RASSF3: variants seen among roughly 807,000 people sequenced by gnomAD.
RASSF3 encodes the protein ras association domain-containing protein 3.
Under a neutral mutation model 19.9 loss-of-function variants are expected in RASSF3, and 19 were observed. The observed-to-expected ratio is 0.96, with a 90% CI of 0.67 to 1.40. The LOEUF (loss-of-function observed/expected upper bound fraction) is 1.40. Ranked by LOEUF, RASSF3 falls within the 40% of genes most tolerant of loss-of-function variation. RASSF3 has a pLI of 0.00. For synonymous variants in RASSF3, 110 were observed against 104.2 expected, an observed-to-expected ratio of 1.06 and a Z score of -0.34; for missense variants, 306 against 289.8, an observed-to-expected ratio of 1.06 and a Z score of -0.41.
downstream of RASSF3, among the ~76,000 whole-genome samples, chr12:64,543,410 T>TCCCCGCCCG (rs1868976791): frequency 1.4e-5 from 1 of 72,682 alleles, no homozygotes; most frequent in Non-Finnish European, 3.2e-5. Flanking sequence ...TGCCTGAGTT[T>TCCCCGCCCG]CCCGCCCCCC....
At chr12:64,508,794 G>C (rs1047527509) in intron 1 of RASSF3, among the ~76,000 whole-genome samples, 2 of 152,050 alleles carry the variant, frequency 1.3e-5, no homozygotes, top group Non-Finnish European at 2.9e-5. Context: ...AGAAGCAGGA[G>C]AATTGCTCGA....
At chr12:64,575,646 T>TA (rs1869583187) in intron 2 of RASSF3, 1 of 152,118 alleles carries the variant, frequency 6.6e-6, no homozygotes, top group Non-Finnish European at 1.5e-5. Context: ...ACTAAAGATT[T>TA]TTTTAAAAGA....
intron 2 of RASSF3, among the ~76,000 whole-genome samples, chr12:64,578,425 G>A (rs897152600): frequency 2.0e-5 from 3 of 152,094 alleles, no homozygotes; most frequent in Non-Finnish European, 1.5e-5. Flanking sequence ...AGGCCAAGGC[G>A]GGAGGACTGC....
intron 2 of RASSF3, among the ~76,000 whole-genome samples, chr12:64,570,188 C>T (rs139446935): frequency 1.4e-4 from 21 of 152,242 alleles, no homozygotes; most frequent in African/African-American, 4.6e-4. Flanking sequence ...TCTGGATGTA[C>T]TATTTTCTTT....
At chr12:64,605,583 A>G (rs2136148770), upstream of RASSF3, among the ~76,000 whole-genome samples, 1 of 152,262 alleles carries the variant, frequency 6.6e-6, no homozygotes, top group Non-Finnish European at 1.5e-5. Flanking sequence ...GGTCAACTCA[A>G]CTGGCTTAAA....
chr12:64,557,739 C>T (rs1869278112), intron 2 of RASSF3, among the ~76,000 whole-genome samples: 7 of 152,042 alleles, frequency 4.6e-5, no homozygotes, highest in African/African-American at 1.5e-4. Context: ...AGATGGCACT[C>T]GATATTTGCA....
chr12:64,633,559 A>G (rs1377386865), intron 1 of RASSF3, among the ~76,000 whole-genome samples: 2 of 152,162 alleles, frequency 1.3e-5, no homozygotes, highest in Non-Finnish European at 2.9e-5. Context: ...TGTTGGTGCC[A>G]TGTTTCCTGT....
chr12:64,575,015 T>C (rs1206088471), intron 2 of RASSF3, among the ~76,000 whole-genome samples: 1 of 152,218 alleles, frequency 6.6e-6, no homozygotes, highest in Non-Finnish European at 1.5e-5. Context: ...TAAGTTTGCC[T>C]GCTACCACTT....
chr12:64,540,995 T>G (rs1592394563), intron 1 of RASSF3, among the ~76,000 whole-genome samples: 1 of 150,790 alleles, frequency 6.6e-6, no homozygotes, highest in Middle Eastern at 3.4e-3. Flanking sequence ...CTGGAATTTT[T>G]TTTTTTTCTA....
intron 1 of RASSF3, chr12:64,622,670 C>CT (rs757413147): frequency 3.8e-6 from 1 of 261,658 alleles, no homozygotes; most frequent in Non-Finnish European, 7.6e-6. Flanking sequence ...TTAACTCCTA[C>CT]TTTAAATTTT....
intron 1 of RASSF3, among the ~76,000 whole-genome samples, chr12:64,658,887 T>C (rs1368697618): frequency 2.4e-4 from 36 of 152,234 alleles, no homozygotes; most frequent in Non-Finnish European, 5.9e-5. Context: ...TTGGGCAACA[T>C]AGCGAGACCC....
At chr12:64,618,407 A>G (rs1592422702) in intron 1 of RASSF3, among the ~76,000 whole-genome samples, 1 of 151,896 alleles carries the variant, frequency 6.6e-6, no homozygotes, top group Non-Finnish European at 1.5e-5. Context: ...GCTCACTGCA[A>G]CCTCCACCTC....
chr12:64,676,751 G>A (rs561235243), intron 1 of RASSF3, among the ~76,000 whole-genome samples: 11 of 150,246 alleles, frequency 7.3e-5, no homozygotes, highest in African/African-American at 2.2e-4. Flanking sequence ...GATTACAGGC[G>A]TGAGCCATTG....
At chr12:64,544,801 T>C (rs188980496), downstream of RASSF3, among the ~76,000 whole-genome samples, 1 of 152,338 alleles carries the variant, frequency 6.6e-6, no homozygotes, top group Non-Finnish European at 1.5e-5. Flanking sequence ...AGAGGCTGAT[T>C]CTTCACTGCC....
intron 4 of RASSF3, 26 bp from the exon 5 acceptor site, chr12:64,694,737 A>G (rs1174114159): frequency 1.9e-6 from 3 of 1,613,416 alleles, no homozygotes; most frequent in South Asian, 2.2e-5. Context: ...AACATCTGGC[A>G]TTTTTCTTTC....
chr12:64,564,214 CT>C (rs1869392414), intron 2 of RASSF3, among the ~76,000 whole-genome samples: 1 of 152,158 alleles, frequency 6.6e-6, no homozygotes, highest in South Asian at 2.1e-4. Context: ...ACAATATTTG[CT>C]GTTTGACAAT....
In RASSF3 at chr12:64,554,676, T is replaced by G. The variant is rs180970062; in HGVS notation, c.294+12971T>G. On this transcript the variant is annotated intron_variant, in intron 2 of 5. Coordinates refer to the RASSF3 transcript ENST00000637125. The stretch of plus-strand genomic sequence containing the variant: ...GTACAGACAATTCTTTCAAGGAATT[T>G]TGCTCCCAAGGGGAACTAGAAATGG... 7.4e-4 allele frequency among the ~76,000 whole-genome samples: 113 copies of G among 152,256 alleles called. 1 individual carries two copies. The highest frequency in any genetic ancestry group is 2.4e-3 in the African/African-American group (101 of 41,544).
At chr12:64,508,872 G>C (rs1475035463) in intron 1 of RASSF3, among the ~76,000 whole-genome samples, 1 of 151,682 alleles carries the variant, frequency 6.6e-6, no homozygotes, top group Non-Finnish European at 1.5e-5. Context: ...GGCAACAAGA[G>C]TGAAACTCCG....
downstream of RASSF3, chr12:64,541,732 T>C (rs1256631372): frequency 2.5e-6 from 1 of 398,434 alleles, no homozygotes; most frequent in Non-Finnish European, 4.4e-6. Flanking sequence ...CTTGTGGACA[T>C]CGTGCGTTTC....
Sources: allele counts gnomAD v4.1 joint callset (sites outside exome capture counted in the v4.1 genomes callset), GRCh38; gene constraint gnomAD v4.1.1; transcripts MANE v1.5; gene names NCBI Gene and HGNC (gene_info 2026-07-23, HGNC 2026-07-21).